PCDHA1: variants seen among roughly 807,000 people sequenced by gnomAD.
PCDHA1 encodes the protein protocadherin alpha 1, also known as protocadherin alpha-1.
In PCDHA1, 42 loss-of-function variants were observed where a neutral mutation model predicts 61.3. That is an observed-to-expected ratio of 0.69 (90% CI 0.54 to 0.89). PCDHA1 has a LOEUF of 0.89. PCDHA1 is among the 40% of genes least tolerant of loss of function. The probability of loss-of-function intolerance (pLI) is 0.00; values close to 1 mark genes in which losing one functional copy is unlikely to be tolerated. For synonymous variants in PCDHA1, 610 were observed against 553.8 expected (o/e 1.10, Z -1.43); for missense variants, 1,256 against 1,235.3 (o/e 1.02, Z -0.25).
intron 1 of PCDHA1, chr5:140,829,567 C>T (rs1581882153): frequency 3.1e-6 from 5 of 1,612,524 alleles, no homozygotes; most frequent in Non-Finnish European, 2.5e-6. Context: ...TGGTGTCCTA[C>T]TCGCTGGTGG....
intron 1 of PCDHA1, among the ~76,000 whole-genome samples, chr5:140,956,511 T>C (rs1293826895): frequency 1.3e-5 from 2 of 152,218 alleles, no homozygotes. Flanking sequence ...TACTTGATCA[T>C]GGTGAATAAG....
chr5:140,849,843 G>C (rs2150453087), intron 1 of PCDHA1: 3 of 1,598,500 alleles, frequency 1.9e-6, no homozygotes, highest in Non-Finnish European at 1.7e-6. Flanking sequence ...CGACGTGAAC[G>C]ACAACGCACC....
intron 1 of PCDHA1, among the ~76,000 whole-genome samples, chr5:140,915,121 A>G (rs982484419): frequency 1.1e-4 from 16 of 151,600 alleles, no homozygotes; most frequent in African/African-American, 3.9e-4. Flanking sequence ...CCTAATTTTT[A>G]TATTTTTAGT....
chr5:140,876,596 C>T (rs1361945795), intron 1 of PCDHA1: 1 of 1,614,040 alleles, frequency 6.2e-7, no homozygotes, highest in East Asian at 2.2e-5. Flanking sequence ...ATTAGCGTGT[C>T]GGATCGTGAC....
chr5:141,000,389 C>CTATATA (rs2097911342), intron 3 of PCDHA1, among the ~76,000 whole-genome samples: 2 of 62,586 alleles, frequency 3.2e-5, no homozygotes, highest in African/African-American at 7.0e-5. Flanking sequence ...CTCTCTCTCT[C>CTATATA]TCTCTCTATA....
At chr5:140,823,889 C>A (rs2150130096) in intron 1 of PCDHA1, 23 of 1,613,944 alleles carry the variant, frequency 1.4e-5, no homozygotes, top group South Asian at 7.7e-5. Flanking sequence ...GCCATCTGTG[C>A]GGTGTCCAGC....
At chr5:140,882,633 A>G in intron 1 of PCDHA1, 1 of 1,614,220 alleles carries the variant, frequency 6.2e-7, no homozygotes, top group Non-Finnish European at 8.5e-7. Context: ...GTGGAGGTGA[A>G]GGTGAGGGAC....
Position 140,848,772 on chromosome 5 carries a change from G to A in PCDHA1, c.2394+60088G>A, listed in dbSNP as rs2150420106. ...GTTTGTGAATTCTCGGATCGACCGCGAGGAGCTGTGCGGGCGGAGCGCGGA... is the reference window on the plus strand; with the variant it reads ...GTTTGTGAATTCTCGGATCGACCGCAAGGAGCTGTGCGGGCGGAGCGCGGA... On this transcript the variant is annotated intron_variant, in intron 1 of 3. Coordinates refer to ENST00000504120, the MANE Select transcript of PCDHA1 (RefSeq NM_018900.4). 12 of 1,593,594 alleles carry A rather than the reference G, an allele frequency of 7.5e-6. 2 individuals carry two copies. Among genetic ancestry groups the A allele is most frequent in the Non-Finnish European group, 1.0e-5 (12 of 1,164,190 alleles).
chr5:140,851,954 GGT>G, intron 1 of PCDHA1: 1 of 974,722 alleles, frequency 1.0e-6, no homozygotes, highest in Non-Finnish European at 1.2e-6. Flanking sequence ...CTTTCAAAAT[GGT>G]GGTTTTCCAC....
chr5:140,793,594 T>C (rs1761792150), intron 1 of PCDHA1, among the ~76,000 whole-genome samples: 1 of 152,208 alleles, frequency 6.6e-6, no homozygotes, highest in Non-Finnish European at 1.5e-5. Flanking sequence ...GAAAACAAAA[T>C]TGGTGACATG....
chr5:140,983,746 T>A (rs1206745225), intron 3 of PCDHA1, among the ~76,000 whole-genome samples: 2 of 152,228 alleles, frequency 1.3e-5, no homozygotes, highest in East Asian at 3.8e-4. Flanking sequence ...CTTGCAATAA[T>A]CCATTCAAAT....
intron 1 of PCDHA1, among the ~76,000 whole-genome samples, chr5:140,826,067 T>C (rs2150142384): frequency 9.2e-5 from 14 of 152,216 alleles, no homozygotes; most frequent in Non-Finnish European, 1.5e-4. Flanking sequence ...TTTATTCTCA[T>C]ATGCATTCAA....
At chr5:140,919,175 T>C (rs1282672890) in intron 1 of PCDHA1, among the ~76,000 whole-genome samples, 1 of 152,248 alleles carries the variant, frequency 6.6e-6, no homozygotes, top group Non-Finnish European at 1.5e-5. Context: ...AGTTGCTATA[T>C]CTTCCTGATT....
rs782019485 is a variant in PCDHA1, at chr5:140,808,219, C to G, written c.2394+19535C>G. Reference sequence around the variant, plus strand: ...TTATTGTGGAAGTAGAAGACAACAACGATAATGTCCCAGATTTGGAATTCA... The same window carrying G: ...TTATTGTGGAAGTAGAAGACAACAAGGATAATGTCCCAGATTTGGAATTCA... On this transcript the variant is annotated intron_variant, in intron 1 of 3. Transcript: ENST00000504120. 6 of 1,614,194 alleles carry G rather than the reference C, an allele frequency of 3.7e-6. No homozygotes were observed. The Admixed American group carries it at 1.0e-4, about 27-fold the overall frequency.
At chr5:140,990,029 A>G (rs1343846819) in intron 3 of PCDHA1, among the ~76,000 whole-genome samples, 1 of 152,146 alleles carries the variant, frequency 6.6e-6, no homozygotes, top group African/African-American at 2.4e-5. Context: ...AAAGGATGGG[A>G]GAAGTCAGTC....
chr5:140,810,198 A>G (rs1214628062), intron 1 of PCDHA1: 2 of 152,248 alleles, frequency 1.3e-5, no homozygotes, highest in Non-Finnish European at 2.9e-5. Context: ...TTCTGTTTCT[A>G]GTACTATTTC....
chr5:141,009,654 C>T lies in PCDHA1; in HGVS notation c.2570C>T (p.Pro857Leu). 4 of 1,614,012 alleles carry T rather than the reference C, an allele frequency of 2.5e-6. No individual in the cohort carries two copies. The highest frequency in any genetic ancestry group is 3.4e-6 in the Non-Finnish European group (4 of 1,179,962). The change falls in exon 4 of 4, where the codon CCA becomes CTA. Residue 857 changes from proline to leucine, a missense_variant. Pro to Leu is a moderately conservative substitution (Grantham distance 98, BLOSUM62 -3). Coordinates refer to ENST00000504120, the MANE Select transcript of PCDHA1 (RefSeq NM_018900.4). ...CCAGAGGCAGGAGAAGTGTCCCCTC[C>T]AGTCGGTGCGGGTGTCAACAGCAAC... ...PEPEAGEVSP[P>L]VGAGVNSNSW...
At chr5:140,917,305 C>A (rs1554197951) in intron 1 of PCDHA1, among the ~76,000 whole-genome samples, 1 of 137,092 alleles carries the variant, frequency 7.3e-6, no homozygotes, top group Non-Finnish European at 1.5e-5. Flanking sequence ...ATAGTTGTTA[C>A]AATTTGGTGT....
At chr5:141,005,978 G>C (rs1226619772) in intron 3 of PCDHA1, among the ~76,000 whole-genome samples, 2 of 151,936 alleles carry the variant, frequency 1.3e-5, no homozygotes, top group African/African-American at 4.8e-5. Context: ...CAATTCCAAA[G>C]AGTGTTTGAG....
Sources: allele counts gnomAD v4.1 joint callset (sites outside exome capture counted in the v4.1 genomes callset), GRCh38; gene constraint gnomAD v4.1.1; transcripts MANE v1.5; gene names NCBI Gene and HGNC (gene_info 2026-07-23, HGNC 2026-07-21).